The following CLIP1 variants were observed in gnomAD, a reference collection of about 807,000 sequenced individuals.
CLIP1 encodes CAP-Gly domain-containing linker protein 1.
Under a neutral mutation model 161.6 loss-of-function variants are expected in CLIP1, and 66 were observed. That is an observed-to-expected ratio of 0.41 (90% CI 0.33 to 0.50). The LOEUF is 0.50. Among genes scored for constraint, CLIP1 ranks in the 20% least tolerant of loss-of-function variants. CLIP1 has a pLI of 0.27. For synonymous variants in CLIP1, 598 were observed against 626.2 expected (o/e 0.96, Z 0.67); for missense variants, 1,376 against 1,702.0 (o/e 0.81, Z 3.37).
intron 1 of CLIP1, among the ~76,000 whole-genome samples, chr12:122,411,233 T>G (rs746676298): frequency 6.6e-6 from 1 of 151,994 alleles, no homozygotes; most frequent in Non-Finnish European, 1.5e-5. Flanking sequence ...CCAGGCAACA[T>G]GGCGAAACCC....
At chr12:122,317,767 T>C (rs1343893632) in intron 18 of CLIP1, among the ~76,000 whole-genome samples, 1 of 152,232 alleles carries the variant, frequency 6.6e-6, no homozygotes, top group Non-Finnish European at 1.5e-5. Flanking sequence ...ACAACTACCA[T>C]CTTCCTTTTA....
intron 21 of CLIP1, among the ~76,000 whole-genome samples, chr12:122,281,492 G>C (rs567003987): frequency 1.3e-5 from 2 of 151,984 alleles, no homozygotes; most frequent in Admixed American, 6.6e-5. Context: ...TTCGAGACCA[G>C]CCTGGTTGAC....
At chr12:122,394,388 C>T (rs11057917) in intron 1 of CLIP1, among the ~76,000 whole-genome samples, 1 of 148,604 alleles carries the variant, frequency 6.7e-6, no homozygotes, top group Non-Finnish European at 1.5e-5. Context: ...ACTCTGGAGG[C>T]TCAGGCACGA....
At chr12:122,391,873 A>G (rs1388198270) in intron 1 of CLIP1, among the ~76,000 whole-genome samples, 1 of 152,226 alleles carries the variant, frequency 6.6e-6, no homozygotes, top group Non-Finnish European at 1.5e-5. Context: ...CAAGAATCAC[A>G]AATGTTAGTT....
intron 19 of CLIP1, among the ~76,000 whole-genome samples, chr12:122,312,230 G>A (rs1393974420): frequency 1.3e-5 from 2 of 152,122 alleles, no homozygotes; most frequent in Non-Finnish European, 2.9e-5. Context: ...TTACTACTGT[G>A]CCAGGTTAGT....
At position 122,377,603 on chromosome 12, in the gene CLIP1, G is replaced by A. The variant is rs1302399387; in HGVS notation, c.443C>T (p.Pro148Leu). Residue 148 changes from proline (P) to leucine (L), a missense_variant, in exon 3 of 26, where the codon CCG (proline) becomes CTG (leucine). Coordinates refer to ENST00000620786, the MANE Select transcript of CLIP1 (RefSeq NM_001247997.2). Reference protein sequence around the residue: ...QTTPASRATSPLCTSTASMVS... With the variant: ...QTTPASRATSLLCTSTASMVS... Reference sequence around the variant, plus strand: ...CATGCTGGCCGTAGAAGTGCACAGCGGTGAAGTAGCTCGGGAGGCGGGCGT... The same window carrying A: ...CATGCTGGCCGTAGAAGTGCACAGCAGTGAAGTAGCTCGGGAGGCGGGCGT... 2.9e-5 allele frequency: 47 copies of A among 1,613,792 alleles called. No homozygotes were observed. Among genetic ancestry groups the A allele is most frequent in the Non-Finnish European group, 3.8e-5 (45 of 1,180,008 alleles).
intron 1 of CLIP1, among the ~76,000 whole-genome samples, chr12:122,390,420 TCCTATCTCAGCC>T (rs1955608779): frequency 6.6e-6 from 1 of 150,900 alleles, no homozygotes; most frequent in Admixed American, 6.7e-5. Context: ...CAAACGATTC[TCCTATCTCAGCC>T]TCTCCAGTAG....
intron 18 of CLIP1, 80 bp from the exon 19 acceptor site, chr12:122,316,935 G>A (rs1951296575): frequency 1.2e-6 from 1 of 867,156 alleles, no homozygotes; most frequent in Non-Finnish European, 1.8e-6. Context: ...TCATGAAAAT[G>A]TGTACTGAAA....
intron 1 of CLIP1, among the ~76,000 whole-genome samples, chr12:122,383,429 C>T (rs938305977): frequency 3.9e-5 from 6 of 152,166 alleles, no homozygotes; most frequent in Admixed American, 2.0e-4. Context: ...TTCAAGCCTC[C>T]GCCTAAAACA....
rs200265709 is a variant in CLIP1 at position 122,353,636 on chromosome 12, C to CTT, written c.1307+815_1307+816dup. 2.3e-4 allele frequency among the ~76,000 whole-genome samples: 34 copies of CTT among 146,636 alleles called. No individual in the cohort carries two copies. The East Asian group carries it at 4.8e-3, about 21-fold the overall frequency. On this transcript the variant is annotated intron_variant, in intron 7 of 25. Coordinates refer to ENST00000620786, the MANE Select transcript of CLIP1 (RefSeq NM_001247997.2). ...CTCAAAAGATAATAAATAATGTTTT[C>CTT]TTTTTTTTTTTTGAGACGGAGTCTT... is the stretch of plus-strand genomic sequence containing the variant.
chr12:122,422,646 C>CGCG lies in CLIP1; in HGVS notation c.-235_-233dup, dbSNP rs932913927. ...GGAGAGCGTGACGCGCCGCCGCCGC[C>CGCG]GCGGGGCCGGGCGGGCGCGCGCTGC... is the stretch of plus-strand genomic sequence containing the variant. On this transcript the variant is annotated 5_prime_UTR_variant, in exon 1 of 26. Transcript: ENST00000620786. 2.8e-5 allele frequency: 4 copies of CGCG among 145,402 alleles called. No homozygotes were observed. The highest frequency in any genetic ancestry group is 9.9e-5 in the African/African-American group (4 of 40,588). The allele number at this position is 145,402 out of a possible 1,614,324, so 9.0% of individuals were successfully genotyped here. A position where few individuals can be genotyped will look rare whatever the true frequency, so the allele number is the denominator to read the frequency against.
At chr12:122,314,103 G>A (rs370099247) in intron 19 of CLIP1, among the ~76,000 whole-genome samples, 5 of 151,906 alleles carry the variant, frequency 3.3e-5, no homozygotes, top group African/African-American at 4.8e-5. Context: ...ACAGCCTGGC[G>A]AATATGGTGA....
chr12:122,373,884 T>C (rs759356369), intron 3 of CLIP1, among the ~76,000 whole-genome samples: 1 of 152,164 alleles, frequency 6.6e-6, no homozygotes, highest in Non-Finnish European at 1.5e-5. Context: ...CTACATATTA[T>C]AGACAAACCT....
chr12:122,328,234 C>CA, intron 16 of CLIP1, 27 bp downstream of exon 16: 1 of 1,613,452 alleles, frequency 6.2e-7, no homozygotes, highest in East Asian at 2.2e-5. Flanking sequence ...CCTTGCCAGC[C>CA]AACAGGCCCA....
At chr12:122,400,748 A>G (rs1956114100) in intron 1 of CLIP1, 1 of 152,194 alleles carries the variant, frequency 6.6e-6, no homozygotes, top group Non-Finnish European at 1.5e-5. Context: ...TTTGATACAC[A>G]GTAAGAGTTC....
At chr12:122,373,284 G>A (rs1277120483) in intron 3 of CLIP1, among the ~76,000 whole-genome samples, 1 of 152,062 alleles carries the variant, frequency 6.6e-6, no homozygotes, top group Non-Finnish European at 1.5e-5. Context: ...GAATTAGCCA[G>A]GTGTGGTGGC....
intron 12 of CLIP1, among the ~76,000 whole-genome samples, chr12:122,336,241 A>G (rs1334554757): frequency 6.6e-6 from 1 of 152,112 alleles, no homozygotes; most frequent in Non-Finnish European, 1.5e-5. Context: ...GGCCCAGTAC[A>G]GCTACTGCCC....
chr12:122,340,076 C>CT (rs1169551600), intron 11 of CLIP1, among the ~76,000 whole-genome samples: 5,586 of 139,662 alleles, frequency 0.04, 157 homozygotes, highest in African/African-American at 0.08. Context: ...ATCTTTTAAG[C>CT]TTTTTTTTTT....
intron 1 of CLIP1, among the ~76,000 whole-genome samples, chr12:122,382,343 G>A (rs1048746745): frequency 5.3e-5 from 8 of 150,968 alleles, no homozygotes; most frequent in South Asian, 2.1e-4. Flanking sequence ...CCTGGGCAAC[G>A]AGAGCAAAAC....
Sources: gnomAD v4.1 joint callset for allele counts (sites outside exome capture counted in the v4.1 genomes callset) on GRCh38, gnomAD v4.1.1 for gene constraint, MANE v1.5 for transcripts, NCBI Gene and HGNC (gene_info 2026-07-23, HGNC 2026-07-21) for gene names.